Variants in SGIP1 observed in about 807,000 individuals in gnomAD.
The protein encoded by SGIP1 is SH3GL interacting endocytic adaptor 1.
Under a neutral mutation model 107.5 loss-of-function variants are expected in SGIP1, and 38 were observed. The observed-to-expected ratio is 0.35, with a 90% CI of 0.27 to 0.46. The LOEUF (loss-of-function observed/expected upper bound fraction) is 0.46, where lower values mean the gene tolerates loss of function less well. SGIP1 is among the 20% of genes least tolerant of loss of function. The pLI is 1.00. For missense variants in SGIP1, 929 were observed against 1,019.5 expected, an observed-to-expected ratio of 0.91 and a Z score of 1.21; for synonymous variants, 365 against 366.1, an observed-to-expected ratio of 1.00 and a Z score of 0.03.
At chr1:66,633,150 T>A in intron 3 of SGIP1, 56 bp downstream of exon 3, 2 of 1,196,276 alleles carry the variant, frequency 1.7e-6, no homozygotes, top group Non-Finnish European at 2.4e-6. Context: ...ATGCTATGTT[T>A]AAATTTCTCA....
chr1:66,720,950 T>C (rs1478048711), intron 19 of SGIP1, among the ~76,000 whole-genome samples: 1 of 152,166 alleles, frequency 6.6e-6, no homozygotes, highest in Non-Finnish European at 1.5e-5. Flanking sequence ...AACAATATTA[T>C]ACTGGAAAAC....
At chr1:66,694,434 C>T (rs951429147) in intron 17 of SGIP1, 53 of 1,605,396 alleles carry the variant, frequency 3.3e-5, no homozygotes, top group Non-Finnish European at 4.2e-5. Flanking sequence ...TTCTTTGGTT[C>T]GTAGTGTCAG....
At chr1:66,726,693 A>G (rs992989602) in intron 19 of SGIP1, among the ~76,000 whole-genome samples, 1 of 152,242 alleles carries the variant, frequency 6.6e-6, no homozygotes, top group Non-Finnish European at 1.5e-5. Context: ...ATATCCACAC[A>G]CACACAAAAT....
intron 1 of SGIP1, among the ~76,000 whole-genome samples, chr1:66,560,458 A>G (rs952964993): frequency 7.9e-5 from 12 of 152,026 alleles, no homozygotes; most frequent in Admixed American, 6.6e-4. Context: ...CCAGCATTGT[A>G]CAATGTGTTT....
chr1:66,673,622 T>C (rs1013820274), intron 12 of SGIP1, among the ~76,000 whole-genome samples: 3 of 152,146 alleles, frequency 2.0e-5, no homozygotes, highest in Non-Finnish European at 4.4e-5. Context: ...CAGTAAAAAT[T>C]ACTGCAAGTC....
At chr1:66,561,460 CAG>C (rs2058936067) in intron 1 of SGIP1, among the ~76,000 whole-genome samples, 1 of 151,906 alleles carries the variant, frequency 6.6e-6, no homozygotes, top group Admixed American at 6.6e-5. Flanking sequence ...TGTGGGAAGT[CAG>C]AGATTGTGAT....
intron 7 of SGIP1, among the ~76,000 whole-genome samples, chr1:66,649,086 C>T (rs1319360850): frequency 1.3e-5 from 2 of 152,148 alleles, no homozygotes; most frequent in African/African-American, 2.4e-5. Context: ...CCATGTTCAG[C>T]CTTCTGACCT....
At chr1:66,563,707 C>A (rs887441190) in intron 1 of SGIP1, among the ~76,000 whole-genome samples, 1 of 151,984 alleles carries the variant, frequency 6.6e-6, no homozygotes. Flanking sequence ...CCCCCACCCC[C>A]CTCCACCCAA....
At chr1:66,715,569 G>A (rs1205554607) in intron 18 of SGIP1, among the ~76,000 whole-genome samples, 1 of 152,092 alleles carries the variant, frequency 6.6e-6, no homozygotes, top group African/African-American at 2.4e-5. Context: ...TCTCTGACTT[G>A]TGGTTGTGTG....
At position 66,687,525 on chromosome 1, in the gene SGIP1, AG is replaced by A. The variant is rs140123886; in HGVS notation, c.1316-1622del. On this transcript the variant is annotated intron_variant, in intron 15 of 24. Transcript: ENST00000371037. Reference sequence around the variant, plus strand: ...GAGATGTGCAAGCCAAGCAAAAATAAGAACAGACTTTATGCAAAATGTGGGA... The same window carrying A: ...GAGATGTGCAAGCCAAGCAAAAATAAAACAGACTTTATGCAAAATGTGGGA... 5.4e-3 allele frequency among the ~76,000 whole-genome samples: 829 copies of A among 152,346 alleles called. 11 individuals are homozygous for A. Among genetic ancestry groups the A allele is most frequent in the African/African-American group, 0.019 (794 of 41,576 alleles).
At chr1:66,640,034 A>G (rs1355828007) in intron 5 of SGIP1, among the ~76,000 whole-genome samples, 1 of 152,172 alleles carries the variant, frequency 6.6e-6, no homozygotes, top group African/African-American at 2.4e-5. Flanking sequence ...GTCTAACTTT[A>G]TGAGATTTTT....
chr1:66,696,470 T>C (rs1160399447), intron 18 of SGIP1, among the ~76,000 whole-genome samples: 3 of 152,198 alleles, frequency 2.0e-5, no homozygotes, highest in Non-Finnish European at 4.4e-5. Flanking sequence ...AAATAGAATT[T>C]TCATAACTTG....
chr1:66,623,672 T>G (rs1350860012), intron 1 of SGIP1, among the ~76,000 whole-genome samples: 1 of 152,246 alleles, frequency 6.6e-6, no homozygotes, highest in African/African-American at 2.4e-5. Context: ...AAAACATCAT[T>G]TCCAGTGAAA....
intron 1 of SGIP1, among the ~76,000 whole-genome samples, chr1:66,589,106 A>G (rs1414316867): frequency 7.3e-6 from 1 of 136,294 alleles, no homozygotes; most frequent in African/African-American, 2.7e-5. Context: ...GTCATCATTA[A>G]TTTTTTCCAC....
intron 1 of SGIP1, among the ~76,000 whole-genome samples, chr1:66,599,704 A>C (rs577795238): frequency 6.6e-6 from 1 of 152,308 alleles, no homozygotes; most frequent in Admixed American, 6.5e-5. Flanking sequence ...AAATACTATG[A>C]CTGAGGATTT....
chr1:66,649,844 C>T (rs1461107189), intron 7 of SGIP1, among the ~76,000 whole-genome samples: 1 of 152,126 alleles, frequency 6.6e-6, no homozygotes, highest in Non-Finnish European at 1.5e-5. Flanking sequence ...ATGACACTTA[C>T]TCCAATGATG....
At chr1:66,713,680 T>C (rs1281232326) in intron 18 of SGIP1, among the ~76,000 whole-genome samples, 1 of 152,174 alleles carries the variant, frequency 6.6e-6, no homozygotes, top group East Asian at 1.9e-4. Flanking sequence ...ATATGCCTCA[T>C]ACATTTCTCT....
At chr1:66,707,520 C>T (rs1181141352) in intron 18 of SGIP1, among the ~76,000 whole-genome samples, 1 of 152,152 alleles carries the variant, frequency 6.6e-6, no homozygotes, top group Non-Finnish European at 1.5e-5. Flanking sequence ...TAAATTATTG[C>T]AAAGTAAATA....
intron 1 of SGIP1, among the ~76,000 whole-genome samples, chr1:66,535,161 C>T (rs889265852): frequency 3.9e-5 from 6 of 152,166 alleles, no homozygotes; most frequent in African/African-American, 1.4e-4. Flanking sequence ...TGCTAAATTA[C>T]CCTTCCCAGT....
Sources: gnomAD v4.1 joint callset for allele counts (sites outside exome capture counted in the v4.1 genomes callset) on GRCh38, gnomAD v4.1.1 for gene constraint, MANE v1.5 for transcripts, NCBI Gene and HGNC (gene_info 2026-07-23, HGNC 2026-07-21) for gene names.